The following ERICH6 variants were observed in gnomAD, a reference collection of about 807,000 sequenced individuals.
The protein encoded by ERICH6 is glutamate-rich protein 6.
A neutral mutation model predicts 71.0 loss-of-function variants in ERICH6; 71 were observed. The ratio of observed to expected loss-of-function variants is 1.00; its 90% CI spans 0.83 to 1.22. The LOEUF (loss-of-function observed/expected upper bound fraction) is 1.22, where lower values mean the gene tolerates loss of function less well. Ranked by LOEUF, ERICH6 falls within the 50% of genes most tolerant of loss-of-function variation. ERICH6 has a pLI of 0.00. For synonymous variants in ERICH6, 262 were observed against 278.4 expected (o/e 0.94, Z 0.59); for missense variants, 808 against 797.2 (o/e 1.01, Z -0.16).
chr3:150,698,184 G>A (rs60830612), intron 3 of ERICH6, among the ~76,000 whole-genome samples: 10,238 of 151,938 alleles, frequency 0.067, 1,189 homozygotes, highest in African/African-American at 0.23. Context: ...TCTCTATATT[G>A]TTGCCATCAC....
At chr3:150,663,136 T>C (rs562924174) in intron 13 of ERICH6, among the ~76,000 whole-genome samples, 1 of 152,200 alleles carries the variant, frequency 6.6e-6, no homozygotes, top group African/African-American at 2.4e-5. Flanking sequence ...ATTCTAAGTA[T>C]TGTGTTAGAA....
At chr3:150,680,560 G>T in intron 8 of ERICH6, 22 bp from the exon 9 acceptor site, 1 of 1,613,490 alleles carries the variant, frequency 6.2e-7, no homozygotes, top group Non-Finnish European at 8.5e-7. Flanking sequence ...GAAAACATCA[G>T]GCATAAATCT....
At chr3:150,665,933 C>T (rs1051413421) in intron 13 of ERICH6, among the ~76,000 whole-genome samples, 18 of 152,020 alleles carry the variant, frequency 1.2e-4, no homozygotes, top group African/African-American at 3.9e-4. Context: ...AGCTATACAT[C>T]CATCTCTATT....
chr3:150,689,265 A>T (rs1576559066), intron 3 of ERICH6, among the ~76,000 whole-genome samples: 1 of 152,286 alleles, frequency 6.6e-6, no homozygotes, highest in African/African-American at 2.4e-5. Flanking sequence ...TGACAATAGA[A>T]GGCAGGTAAC....
At chr3:150,682,633 T>C (rs759809323) in intron 6 of ERICH6, among the ~76,000 whole-genome samples, 2 of 152,166 alleles carry the variant, frequency 1.3e-5, no homozygotes, top group African/African-American at 4.8e-5. Flanking sequence ...CAGAGTCCCT[T>C]GTTGGGGAGG....
chr3:150,699,717 T>TAAAAAA (rs1178685062), intron 2 of ERICH6, among the ~76,000 whole-genome samples: 1 of 111,510 alleles, frequency 9.0e-6, no homozygotes, highest in African/African-American at 3.4e-5. Flanking sequence ...CTCAAAGAGA[T>TAAAAAA]AAAAACAAAA....
intron 13 of ERICH6, among the ~76,000 whole-genome samples, chr3:150,666,100 G>A (rs749524638): frequency 2.0e-4 from 31 of 152,174 alleles, no homozygotes; most frequent in Middle Eastern, 3.2e-3. Context: ...TCAGTCAAGT[G>A]GCAGAGCTGA....
intron 10 of ERICH6, among the ~76,000 whole-genome samples, chr3:150,675,244 A>G (rs905511174): frequency 6.6e-6 from 1 of 152,200 alleles, no homozygotes; most frequent in Non-Finnish European, 1.5e-5. Flanking sequence ...GCTAATATGG[A>G]CAATGTATTT....
chr3:150,695,513 C>CA (rs1712622431), intron 3 of ERICH6, among the ~76,000 whole-genome samples: 1 of 148,892 alleles, frequency 6.7e-6, no homozygotes, highest in Non-Finnish European at 1.5e-5. Context: ...AAAAAAAATA[C>CA]AAAAATTAGC....
chr3:150,671,075 C>T (rs1711499838), intron 11 of ERICH6, among the ~76,000 whole-genome samples: 1 of 152,028 alleles, frequency 6.6e-6, no homozygotes, highest in Non-Finnish European at 1.5e-5. Context: ...GCCTAGGCAA[C>T]ATAATAGGAT....
At position 150,684,560 on chromosome 3, in the gene ERICH6, G is replaced by A. The variant is rs75686769; in HGVS notation, c.783+1182C>T. On this transcript the variant is annotated intron_variant, in intron 6 of 13. Transcript: ENST00000295910. ...CATCAAGGGTTCTCAGATCTGGGGA[G>A]TAAGCAGTTCTCTCCACATGGCCAT... is the stretch of plus-strand genomic sequence containing the variant. Among the ~76,000 whole-genome samples the A allele has an allele frequency of 1.4e-3, 212 of 152,254 alleles. 6 individuals are homozygous for A. The East Asian group carries it at 0.037, about 27-fold the overall frequency.
intron 3 of ERICH6, among the ~76,000 whole-genome samples, chr3:150,698,448 T>G (rs1712735144): frequency 6.6e-6 from 1 of 152,192 alleles, no homozygotes; most frequent in African/African-American, 2.4e-5. Context: ...GGTTTGACAT[T>G]TAAAAAGTGT....
chr3:150,665,234 T>C (rs60257374), intron 13 of ERICH6, among the ~76,000 whole-genome samples: 31,794 of 152,044 alleles, frequency 0.21, 4,033 homozygotes, highest in African/African-American at 0.36. Context: ...TTGCCTGAAT[T>C]TGAAATCTCC....
At chr3:150,690,921 C>A (rs1260344963) in intron 3 of ERICH6, among the ~76,000 whole-genome samples, 1 of 152,182 alleles carries the variant, frequency 6.6e-6, no homozygotes, top group African/African-American at 2.4e-5. Context: ...AACTTCTAAT[C>A]TTGTGGCTTT....
At position 150,682,384 on chromosome 3, in the gene ERICH6, G is replaced by A. The variant is rs896763742; in HGVS notation, c.784-68C>T. The A allele has an allele frequency of 2.6e-6, 3 of 1,175,524 alleles. No homozygotes were observed. The Admixed American group carries it at 5.4e-5, about 21-fold the overall frequency. 72.8% of individuals were successfully genotyped at this position (1,175,524 alleles called of 1,614,324 possible). On this transcript the variant is annotated intron_variant, in intron 6 of 13. Transcript: ENST00000295910. ...AGGCCCAGAGGCTCTGAGAGCAGCAGGAGCACGACCCTGGGCATGGTCAGT... is the reference window on the plus strand; with the variant it reads ...AGGCCCAGAGGCTCTGAGAGCAGCAAGAGCACGACCCTGGGCATGGTCAGT...
intron 3 of ERICH6, among the ~76,000 whole-genome samples, chr3:150,696,961 A>C (rs1712677404): frequency 6.6e-6 from 1 of 152,198 alleles, no homozygotes; most frequent in South Asian, 2.1e-4. Flanking sequence ...GAGGCGGCTT[A>C]CTGTAACACT....
intron 12 of ERICH6, among the ~76,000 whole-genome samples, chr3:150,668,841 C>G (rs1390353234): frequency 2.6e-5 from 4 of 152,126 alleles, no homozygotes; most frequent in Admixed American, 1.3e-4. Flanking sequence ...ACTCTTCTTG[C>G]TTGTGGCTAT....
chr3:150,664,320 T>G (rs1178996049), intron 13 of ERICH6, among the ~76,000 whole-genome samples: 1 of 152,056 alleles, frequency 6.6e-6, no homozygotes, highest in Non-Finnish European at 1.5e-5. Context: ...AACAATATAA[T>G]CTGTATATTA....
chr3:150,678,571 C>T lies in ERICH6; in HGVS notation c.1112-17G>A. 1 of 1,576,980 alleles carries T rather than the reference C, an allele frequency of 6.3e-7. No individual in the cohort carries two copies. Among genetic ancestry groups the T allele is most frequent in the Non-Finnish European group, 8.6e-7 (1 of 1,167,616 alleles). On this transcript the variant is annotated splice_polypyrimidine_tract_variant and intron_variant, in intron 9 of 13. Transcript: ENST00000295910. The stretch of plus-strand genomic sequence containing the variant: ...GCTTTGAATCTAGTGGGAAAAGAAT[C>T]ACATAGAAATACATATATGTTTTAA...
Sources: gnomAD v4.1 joint callset for allele counts (sites outside exome capture counted in the v4.1 genomes callset) on GRCh38, gnomAD v4.1.1 for gene constraint, MANE v1.5 for transcripts, NCBI Gene and HGNC (gene_info 2026-07-23, HGNC 2026-07-21) for gene names.